Variants in NFYC observed in about 807,000 individuals in gnomAD.
NFYC encodes CAAT box DNA-binding protein subunit C.
In NFYC, 25 loss-of-function variants were observed where a neutral mutation model predicts 53.1. The ratio of observed to expected loss-of-function variants is 0.47; its 90% CI spans 0.34 to 0.66. The LOEUF (loss-of-function observed/expected upper bound fraction) is 0.66, where lower values mean the gene tolerates loss of function less well. Ranked by LOEUF, NFYC falls within the 30% of genes least tolerant of loss-of-function variation. The probability of loss-of-function intolerance (pLI) is 0.01; values close to 1 mark genes in which losing one functional copy is unlikely to be tolerated. For missense variants in NFYC, 260 were observed against 422.7 expected (o/e 0.62, Z 3.38); for synonymous variants, 145 against 152.6 (o/e 0.95, Z 0.37).
chr1:40,728,682 G>A (rs572964812), intron 1 of NFYC, among the ~76,000 whole-genome samples: 11 of 152,220 alleles, frequency 7.2e-5, no homozygotes, highest in Admixed American at 2.0e-4. Context: ...GTGCTACCCA[G>A]GCTGGAGTGC....
At chr1:40,735,545 T>G (rs1489160621) in intron 1 of NFYC, 1 of 962,980 alleles carries the variant, frequency 1.0e-6, no homozygotes, top group Non-Finnish European at 1.2e-6. Context: ...TTGTAATGTT[T>G]TGGGGGGATA....
Position 40,767,060 on chromosome 1 carries a change from G to C in NFYC, c.828+357G>C, listed in dbSNP as rs560624486. 6.2e-6 allele frequency: 8 copies of C among 1,296,164 alleles called. No individual in the cohort carries two copies. In the South Asian group the frequency reaches 1.0e-4, roughly 16 times the overall value. 80.3% of individuals were successfully genotyped at this position (1,296,164 alleles called of 1,614,324 possible). A position where few individuals can be genotyped will look rare whatever the true frequency, so the allele number is the denominator to read the frequency against. On this transcript the variant is annotated intron_variant, in intron 8 of 9. Transcript: ENST00000447388. Reference sequence around the variant, plus strand: ...CCATCTTTAAACCCAAGTGGCTGTTGTGTTCTGGCACCTCCTGTGCTCTTT... The same window carrying C: ...CCATCTTTAAACCCAAGTGGCTGTTCTGTTCTGGCACCTCCTGTGCTCTTT...
intron 1 of NFYC, among the ~76,000 whole-genome samples, chr1:40,703,504 G>T (rs1643547850): frequency 2.3e-5 from 1 of 43,248 alleles, no homozygotes; most frequent in East Asian, 4.9e-4. Flanking sequence ...AGAATATGAA[G>T]CTCTTATTGC....
chr1:40,715,436 GTC>G (rs1277412845), intron 1 of NFYC, among the ~76,000 whole-genome samples: 6 of 150,754 alleles, frequency 4.0e-5, no homozygotes, highest in Non-Finnish European at 8.9e-5. Flanking sequence ...TAGAAATGGA[GTC>G]TCATTATTTT....
chr1:40,713,761 A>G (rs1314712218), intron 1 of NFYC, among the ~76,000 whole-genome samples: 5 of 152,156 alleles, frequency 3.3e-5, no homozygotes, highest in South Asian at 4.1e-4. Context: ...AATTTGTTGC[A>G]TGTTTCTTTT....
At chr1:40,703,734 A>G (rs1472017790) in intron 1 of NFYC, among the ~76,000 whole-genome samples, 1 of 152,214 alleles carries the variant, frequency 6.6e-6, no homozygotes, top group Admixed American at 6.5e-5. Context: ...CTTCTTTGGT[A>G]ATAGAGGCAT....
intron 1 of NFYC, among the ~76,000 whole-genome samples, chr1:40,708,356 T>A (rs1406210677): frequency 6.6e-6 from 1 of 152,226 alleles, no homozygotes; most frequent in Non-Finnish European, 1.5e-5. Context: ...GCAAGTGTTT[T>A]ATGCAAATAC....
intron 6 of NFYC, among the ~76,000 whole-genome samples, chr1:40,759,992 G>A (rs1570702420): frequency 6.6e-6 from 1 of 152,130 alleles, no homozygotes; most frequent in Admixed American, 6.5e-5. Flanking sequence ...TTCTCACTTC[G>A]TCACTCAGGC....
At chr1:40,699,924 A>G (rs1389669710) in intron 1 of NFYC, among the ~76,000 whole-genome samples, 1 of 152,348 alleles carries the variant, frequency 6.6e-6, no homozygotes, top group East Asian at 1.9e-4. Flanking sequence ...TTATTTGCCT[A>G]TGACCCTTCA....
intron 1 of NFYC, 50 bp downstream of exon 1, chr1:40,691,917 G>C (rs1266161716): frequency 2.3e-5 from 8 of 343,406 alleles, no homozygotes; most frequent in Middle Eastern, 3.8e-4. Flanking sequence ...GGAAGCGGCG[G>C]CGGGGGGAGG....
chr1:40,748,959 T>C (rs1010180660), intron 3 of NFYC, among the ~76,000 whole-genome samples: 3 of 152,212 alleles, frequency 2.0e-5, no homozygotes, highest in African/African-American at 7.2e-5. Flanking sequence ...TGTGGCTGTA[T>C]CCTGCACAGA....
At chr1:40,749,521 T>G (rs1557871175) in intron 3 of NFYC, 52 bp from the exon 4 acceptor site, 1 of 1,421,348 alleles carries the variant, frequency 7.0e-7, no homozygotes, top group African/African-American at 1.4e-5. Flanking sequence ...AGAGACAGAC[T>G]GGTTTGCATG....
At chr1:40,729,611 T>G (rs1644671823) in intron 1 of NFYC, among the ~76,000 whole-genome samples, 1 of 152,186 alleles carries the variant, frequency 6.6e-6, no homozygotes, top group Admixed American at 6.5e-5. Flanking sequence ...TTCAAGAACT[T>G]TTTCTTTGCA....
chr1:40,758,116 A>G lies in NFYC; in HGVS notation c.388-5A>G, dbSNP rs780586071. On this transcript the variant is annotated splice_polypyrimidine_tract_variant and splice_region_variant and intron_variant, in intron 5 of 9. Coordinates refer to ENST00000447388, the MANE Select transcript of NFYC (RefSeq NM_014223.5). ...CTCTTACCTGCCTCTCTTTCCACCC[A>G]ACAGGAGGAGGTGCGCCAGTCTGTA... 1 of 1,611,692 alleles carries G rather than the reference A, an allele frequency of 6.2e-7. No individual in the cohort carries two copies. The highest frequency in any genetic ancestry group is 1.1e-5 in the South Asian group (1 of 90,952).
chr1:40,729,618 T>C (rs776388439), intron 1 of NFYC, among the ~76,000 whole-genome samples: 1 of 152,188 alleles, frequency 6.6e-6, no homozygotes, highest in Non-Finnish European at 1.5e-5. Context: ...ACTTTTTCTT[T>C]GCAGTCACAG....
At position 40,770,978 on chromosome 1, in the gene NFYC, G is replaced by T; in HGVS notation, c.*150G>T. ...TGGTGCACTACACCCCATGCCTGGG[G>T]GCCGAGATTCTCCAGCAGAAAGATG... On this transcript the variant is annotated 3_prime_UTR_variant, in exon 10 of 10. Transcript: ENST00000447388. This position sits in a 1 kb window ranked among gnomAD's most constrained non-coding sequence, Gnocchi z 5.3. The T allele has an allele frequency of 4.1e-6, 3 of 740,284 alleles. No individual in the cohort carries two copies. Among genetic ancestry groups the T allele is most frequent in the Non-Finnish European group, 6.6e-6 (3 of 454,498 alleles). The allele number at this position is 740,284 out of a possible 1,614,324, so 45.9% of individuals were successfully genotyped here. A position where few individuals can be genotyped will look rare whatever the true frequency, so the allele number is the denominator to read the frequency against.
intron 6 of NFYC, among the ~76,000 whole-genome samples, chr1:40,761,679 G>T (rs1646552418): frequency 6.6e-6 from 1 of 152,148 alleles, no homozygotes; most frequent in Non-Finnish European, 1.5e-5. Context: ...AATCTCATCT[G>T]TCGTTCCCAG....
At chr1:40,769,248 C>T in intron 8 of NFYC, 108 bp from the exon 9 acceptor site, 1 of 1,131,728 alleles carries the variant, frequency 8.8e-7, no homozygotes, top group Non-Finnish European at 1.3e-6. Context: ...CTGCTGGGCA[C>T]TTTATATGCA....
chr1:40,745,652 C>G (rs1257961602), intron 2 of NFYC, among the ~76,000 whole-genome samples: 1 of 152,106 alleles, frequency 6.6e-6, no homozygotes, highest in Non-Finnish European at 1.5e-5. Context: ...TCCCAGCATC[C>G]CTTAGACACA....
Sources: allele counts gnomAD v4.1 joint callset (sites outside exome capture counted in the v4.1 genomes callset), GRCh38; gene constraint gnomAD v4.1.1; non-coding constraint Gnocchi (gnomAD v3.1); transcripts MANE v1.5; gene names NCBI Gene and HGNC (gene_info 2026-07-23, HGNC 2026-07-21).